Variants in SOX5 observed in about 807,000 individuals in gnomAD.
The protein encoded by SOX5 is SRY-box transcription factor 5.
A neutral mutation model predicts 92.0 loss-of-function variants in SOX5; 9 were observed. That is an observed-to-expected ratio of 0.10 (90% CI 0.06 to 0.17). The LOEUF (loss-of-function observed/expected upper bound fraction) is 0.17, where lower values mean the gene tolerates loss of function less well. SOX5 is among the 10% of genes least tolerant of loss of function. The pLI, the probability that SOX5 is intolerant of heterozygous loss-of-function variation, is 1.00. For synonymous variants in SOX5, 344 were observed against 336.3 expected (o/e 1.02, Z -0.25); for missense variants, 642 against 944.5 (o/e 0.68, Z 4.20).
At chr12:23,838,487 T>C (rs1213930678) in intron 3 of SOX5, among the ~76,000 whole-genome samples, 2 of 152,036 alleles carry the variant, frequency 1.3e-5, no homozygotes, top group Non-Finnish European at 2.9e-5. Context: ...CAATGCATCT[T>C]AGTGGTTCTA....
At chr12:24,058,036 T>A (rs1325302728) in intron 4 of SOX5, among the ~76,000 whole-genome samples, 7 of 152,274 alleles carry the variant, frequency 4.6e-5, no homozygotes, top group Admixed American at 4.6e-4. Context: ...ATGACTGCCA[T>A]CCTTTTGCAG....
At chr12:23,575,960 A>AT in intron 9 of SOX5, 122 bp from the exon 10 acceptor site, 5 of 690,718 alleles carry the variant, frequency 7.2e-6, no homozygotes, top group Non-Finnish European at 1.2e-5. Flanking sequence ...TGATCTTAAC[A>AT]TTCATTCTGA....
At chr12:24,122,679 TTTATA>T (rs1422069500) in intron 4 of SOX5, among the ~76,000 whole-genome samples, 12 of 152,292 alleles carry the variant, frequency 7.9e-5, no homozygotes, top group South Asian at 4.1e-4. Context: ...GAATATTTAA[TTTATA>T]TTATATTATA....
chr12:24,430,591 T>G (rs17431016), intron 1 of SOX5, among the ~76,000 whole-genome samples: 3,483 of 152,076 alleles, frequency 0.023, 57 homozygotes, highest in South Asian at 0.058. Context: ...GAACAACAAG[T>G]GCACTTCCTT....
chr12:24,343,107 A>G (rs949412136), intron 2 of SOX5, among the ~76,000 whole-genome samples: 5 of 152,238 alleles, frequency 3.3e-5, no homozygotes, highest in Admixed American at 6.5e-5. Flanking sequence ...AGGGGTTTGC[A>G]TTATGGATCT....
intron 4 of SOX5, among the ~76,000 whole-genome samples, chr12:24,188,278 A>G (rs71450425): frequency 0.038 from 5,844 of 152,268 alleles, 112 homozygotes; most frequent in South Asian, 0.066. Context: ...GAAAATCCAC[A>G]AGTGACAAAG....
At chr12:23,673,345 A>G (rs2085108515) in intron 6 of SOX5, among the ~76,000 whole-genome samples, 1 of 152,100 alleles carries the variant, frequency 6.6e-6, no homozygotes, top group Non-Finnish European at 1.5e-5. Context: ...AGCGTGTGTG[A>G]CTATTTGTAT....
At chr12:24,233,045 T>C (rs928159808) in intron 3 of SOX5, among the ~76,000 whole-genome samples, 6 of 152,126 alleles carry the variant, frequency 3.9e-5, no homozygotes, top group African/African-American at 1.4e-4. Context: ...TGAGTAGGCT[T>C]TAGGGGATTG....
rs113926025 is a variant in SOX5, at chr12:24,501,804, G to A, written c.-251+60525C>T. On this transcript the variant is annotated intron_variant, in intron 1 of 4. Coordinates refer to the SOX5 transcript ENST00000446891. ...ATTGCAGCACTGCACTCCAGCCTGA[G>A]TGACAAAGTGAGACCCTGCCTCAAA... 1.9e-3 allele frequency among the ~76,000 whole-genome samples: 294 copies of A among 152,312 alleles called. 1 individual carries two copies. The highest frequency in any genetic ancestry group is 6.8e-3 in the African/African-American group (283 of 41,570).
intron 2 of SOX5, among the ~76,000 whole-genome samples, chr12:24,326,911 C>T (rs1387522483): frequency 6.6e-6 from 1 of 151,918 alleles, no homozygotes; most frequent in East Asian, 1.9e-4. Flanking sequence ...TTGGTTTTTC[C>T]ATCATCTGTC....
chr12:23,912,782 A>G (rs1282646771), intron 1 of SOX5, among the ~76,000 whole-genome samples: 1 of 152,158 alleles, frequency 6.6e-6, no homozygotes, highest in African/African-American at 2.4e-5. Context: ...AATGTCCAGA[A>G]TAGAAAAAAT....
intron 2 of SOX5, among the ~76,000 whole-genome samples, chr12:24,365,781 T>C (rs767706308): frequency 5.9e-5 from 9 of 151,722 alleles, no homozygotes; most frequent in Non-Finnish European, 7.4e-5. Context: ...AAACTTCTTT[T>C]CCTAATATGT....
intron 6 of SOX5, among the ~76,000 whole-genome samples, chr12:23,698,666 T>C (rs1206772587): frequency 6.6e-6 from 1 of 152,196 alleles, no homozygotes; most frequent in Non-Finnish European, 1.5e-5. Flanking sequence ...TGTGATTTCT[T>C]GCTTCTTTCT....
intron 2 of SOX5, among the ~76,000 whole-genome samples, chr12:23,876,715 T>G (rs2096931391): frequency 1.3e-5 from 2 of 152,312 alleles, no homozygotes; most frequent in South Asian, 2.1e-4. Flanking sequence ...TGCAGCACTA[T>G]TCACAATAAC....
At chr12:23,624,191 G>T (rs1466105882) in intron 8 of SOX5, among the ~76,000 whole-genome samples, 1 of 152,146 alleles carries the variant, frequency 6.6e-6, no homozygotes, top group Non-Finnish European at 1.5e-5. Context: ...GAAGATGGGA[G>T]AATGAGGAGT....
intron 3 of SOX5, among the ~76,000 whole-genome samples, chr12:23,814,077 G>C (rs2095935412): frequency 6.6e-6 from 1 of 152,050 alleles, no homozygotes; most frequent in African/African-American, 2.4e-5. Flanking sequence ...TTTATTTATA[G>C]ATGTATTTTG....
intron 4 of SOX5, among the ~76,000 whole-genome samples, chr12:24,062,290 A>G (rs796587305): frequency 2.8e-4 from 42 of 152,344 alleles, no homozygotes; most frequent in African/African-American, 9.9e-4. Flanking sequence ...AAAGCTTAAA[A>G]TGATTTCTAC....
chr12:23,747,838 C>A (rs1460373964), intron 4 of SOX5, among the ~76,000 whole-genome samples: 1 of 151,826 alleles, frequency 6.6e-6, no homozygotes, highest in Non-Finnish European at 1.5e-5. Flanking sequence ...TTAATTCATT[C>A]AGCATGTGTT....
chr12:23,647,513 C>G (rs915859394), intron 7 of SOX5, among the ~76,000 whole-genome samples: 9 of 152,210 alleles, frequency 5.9e-5, no homozygotes, highest in Non-Finnish European at 1.5e-5. Context: ...TCCTCTCTAG[C>G]TATGAAAGTT....
Sources: gnomAD v4.1 joint callset for allele counts (sites outside exome capture counted in the v4.1 genomes callset) on GRCh38, gnomAD v4.1.1 for gene constraint, MANE v1.5 for transcripts, NCBI Gene and HGNC (gene_info 2026-07-23, HGNC 2026-07-21) for gene names.